TAS1R2: variants seen among roughly 807,000 people sequenced by gnomAD.
TAS1R2 encodes taste receptor type 1 member 2.
TAS1R2 carries 47 observed loss-of-function variants against 49.3 expected under a neutral mutation model. The ratio of observed to expected loss-of-function variants is 0.95; its 90% CI spans 0.75 to 1.22. The LOEUF (loss-of-function observed/expected upper bound fraction) is 1.22, where lower values mean the gene tolerates loss of function less well. TAS1R2 is among the 50% of genes most tolerant of loss of function. The probability of loss-of-function intolerance (pLI) is 0.00; values close to 1 mark genes in which losing one functional copy is unlikely to be tolerated. For missense variants in TAS1R2, 1,155 were observed against 1,122.1 expected, an observed-to-expected ratio of 1.03 and a Z score of -0.42; for synonymous variants, 479 against 467.9, an observed-to-expected ratio of 1.02 and a Z score of -0.31.
rs141966609 is a variant in TAS1R2 at position 18,842,977 on chromosome 1, G to A, written c.1468-1125C>T. Among the ~76,000 whole-genome samples the A allele has an allele frequency of 5.9e-3, 895 of 152,242 alleles. 11 individuals carry two copies. Among genetic ancestry groups the A allele is most frequent in the African/African-American group, 0.02 (842 of 41,542 alleles). ...TATCACAAAAATAAAAAATTTTAAT[G>A]TACCAAAATTAATGGGGTACAGTGA... On this transcript the variant is annotated intron_variant, in intron 4 of 5. Transcript: ENST00000375371.
chr1:18,852,112 C>T (rs562507225), intron 3 of TAS1R2, among the ~76,000 whole-genome samples: 6 of 152,350 alleles, frequency 3.9e-5, no homozygotes, highest in South Asian at 4.1e-4. Flanking sequence ...TTGGCAGGGT[C>T]CCTGCTCTCA....
At chr1:18,849,508 G>T (rs1469834422) in exon 4 of TAS1R2, 2 of 1,614,096 alleles carry the variant, frequency 1.2e-6, no homozygotes, top group Non-Finnish European at 1.7e-6. Context: ...AAGATTTGGT[G>T]GTCCAGGAGA....
At position 18,849,442 on chromosome 1, in the gene TAS1R2, C is replaced by T. The variant is rs767092035; in HGVS notation, c.1366G>A (p.Asp456Asn). Residue 456 changes from aspartate to asparagine, a missense_variant, in exon 4 of 6, where the codon GAC becomes AAC. Asp to Asn is a conservative substitution (Grantham distance 23). Coordinates refer to ENST00000375371, the Ensembl canonical transcript of TAS1R2. ...CTCTGGAAGGGATTCTGGCTCCGGT[C>T]CCATTGCCACTGGACAATCTCCAAG... The T allele has an allele frequency of 2.5e-6, 4 of 1,614,236 alleles. No homozygotes were observed. Among genetic ancestry groups the T allele is most frequent in the East Asian group, 2.2e-5 (1 of 44,884 alleles).
intron 4 of TAS1R2, among the ~76,000 whole-genome samples, chr1:18,848,775 G>A (rs886391369): frequency 2.0e-5 from 3 of 152,190 alleles, no homozygotes; most frequent in African/African-American, 7.2e-5. Context: ...AATGTCTGAT[G>A]ATCTGTTACT....
exon 1 of TAS1R2, chr1:18,859,660 T>C (rs760160142): frequency 1.9e-6 from 3 of 1,614,134 alleles, no homozygotes; most frequent in Non-Finnish European, 2.5e-6. Context: ...CTGGGCCCCA[T>C]GGCTGGGAAG....
intron 3 of TAS1R2, among the ~76,000 whole-genome samples, chr1:18,852,018 G>T (rs1224708119): frequency 1.3e-5 from 2 of 152,208 alleles, no homozygotes; most frequent in African/African-American, 4.8e-5. Flanking sequence ...GCACATAAGT[G>T]CCCATTCATT....
At chr1:18,844,753 G>GA (rs869103899) in intron 4 of TAS1R2, among the ~76,000 whole-genome samples, 3 of 84,798 alleles carry the variant, frequency 3.5e-5, no homozygotes, top group Non-Finnish European at 8.4e-5. Flanking sequence ...GACTGTCTCA[G>GA]AAAAAAAAGA....
intron 4 of TAS1R2, among the ~76,000 whole-genome samples, chr1:18,845,311 C>T (rs1933897149): frequency 6.6e-6 from 1 of 152,162 alleles, no homozygotes. Flanking sequence ...GCTAAGGTAC[C>T]ATCTTCAGGA....
chr1:18,847,808 CT>C (rs1453024800), intron 4 of TAS1R2, among the ~76,000 whole-genome samples: 2 of 152,206 alleles, frequency 1.3e-5, no homozygotes, highest in African/African-American at 4.8e-5. Flanking sequence ...ATACCCAAGA[CT>C]GGACAATTTA....
intron 4 of TAS1R2, among the ~76,000 whole-genome samples, chr1:18,846,246 C>A (rs1265836725): frequency 2.6e-5 from 4 of 152,246 alleles, no homozygotes; most frequent in Admixed American, 2.6e-4. Flanking sequence ...CCCCACAGAG[C>A]AACCCCTGAC....
chr1:18,856,676 A>G (rs1934141080), intron 2 of TAS1R2, among the ~76,000 whole-genome samples: 1 of 152,238 alleles, frequency 6.6e-6, no homozygotes, highest in Admixed American at 6.5e-5. Context: ...GCTTCATGTA[A>G]AAGTACTAAC....
chr1:18,847,564 G>A (rs1312854625), intron 4 of TAS1R2, among the ~76,000 whole-genome samples: 2 of 152,192 alleles, frequency 1.3e-5, no homozygotes, highest in East Asian at 3.9e-4. Context: ...GGAGAGTGAT[G>A]AAGTCTCTTC....
exon 6 of TAS1R2, chr1:18,840,381 T>G: frequency 1.2e-6 from 2 of 1,614,036 alleles, no homozygotes; most frequent in Middle Eastern, 1.6e-4. Flanking sequence ...ATGGCCAGGG[T>G]GCTGAGGAAG....
chr1:18,839,768 C>A, exon 6 of TAS1R2: 1 of 1,614,238 alleles, frequency 6.2e-7, no homozygotes, highest in Non-Finnish European at 8.5e-7. Flanking sequence ...CAGCACCCCG[C>A]TGTAGGCAGA....
At chr1:18,852,330 A>T (rs905655741) in intron 3 of TAS1R2, among the ~76,000 whole-genome samples, 1 of 152,144 alleles carries the variant, frequency 6.6e-6, no homozygotes, top group Admixed American at 6.5e-5. Context: ...AACTGGGAGG[A>T]ACAGCTGGAG....
At chr1:18,843,442 A>C (rs1401166575) in intron 4 of TAS1R2, among the ~76,000 whole-genome samples, 1 of 152,222 alleles carries the variant, frequency 6.6e-6, no homozygotes, top group Non-Finnish European at 1.5e-5. Flanking sequence ...ACCTGCTACC[A>C]TGAAAGTATG....
Position 18,859,460 on chromosome 1 carries a change from C to T in TAS1R2, c.182+19G>A. 6.2e-7 allele frequency: 1 copy of T among 1,613,496 alleles called. No individual in the cohort carries two copies. Among genetic ancestry groups the T allele is most frequent in the Non-Finnish European group, 8.5e-7 (1 of 1,179,594 alleles). ...ACCCCATCCCCACTGCCACTTCCAGCCCCACACTGGAGACTCACTCCTTGC... is the reference window on the plus strand; with the variant it reads ...ACCCCATCCCCACTGCCACTTCCAGTCCCACACTGGAGACTCACTCCTTGC... On this transcript the variant is annotated intron_variant, in intron 1 of 5. Coordinates refer to ENST00000375371, the Ensembl canonical transcript of TAS1R2.
At position 18,840,477 on chromosome 1, in the gene TAS1R2, C is replaced by A; in HGVS notation, c.1642G>T (p.Glu548Ter). Reference sequence around the variant, plus strand: ...AGCTGCCGCTTGAAGCAGGAGGTCTCACTCTGGTAGGACCACTCGTTATTC... The same window carrying A: ...AGCTGCCGCTTGAAGCAGGAGGTCTAACTCTGGTAGGACCACTCGTTATTC... Residue 548 changes from glutamate to a stop codon, truncating the protein, a stop_gained, in exon 6 of 6, where the codon GAG (glutamate) becomes TAG (stop). Transcript: ENST00000375371. LOFTEE classifies it low-confidence loss of function (END_TRUNC). The A allele has an allele frequency of 6.2e-7, 1 of 1,614,184 alleles. No homozygotes were observed. The highest frequency in any genetic ancestry group is 8.5e-7 in the Non-Finnish European group (1 of 1,180,030).
intron 2 of TAS1R2, among the ~76,000 whole-genome samples, chr1:18,856,005 A>G (rs145696404): frequency 1.3e-5 from 2 of 152,204 alleles, no homozygotes; most frequent in African/African-American, 4.8e-5. Context: ...CCTATAGTCT[A>G]TGCTTAACAT....
Sources: gnomAD v4.1 joint callset for allele counts (sites outside exome capture counted in the v4.1 genomes callset) on GRCh38, gnomAD v4.1.1 for gene constraint, MANE v1.5 for transcripts, NCBI Gene and HGNC (gene_info 2026-07-23, HGNC 2026-07-21) for gene names.